C10orf67: variants seen among roughly 807,000 people sequenced by gnomAD.
The protein encoded by C10orf67 is chromosome 10 open reading frame 67.
C10orf67 carries 60 observed loss-of-function variants against 35.6 expected under a neutral mutation model. That is an observed-to-expected ratio of 1.68 (90% confidence interval 1.37 to 2.09). The LOEUF is 2.09. Ranked by LOEUF, C10orf67 falls within the 30% of genes most tolerant of loss-of-function variation. C10orf67 has a pLI of 0.00. For missense variants in C10orf67, 474 were observed against 330.2 expected (o/e 1.44, Z -3.38); for synonymous variants, 167 against 115.8 (o/e 1.44, Z -2.84).
At chr10:23,206,035 T>A (rs1564452693) in intron 15 of C10orf67, among the ~76,000 whole-genome samples, 1 of 152,224 alleles carries the variant, frequency 6.6e-6, no homozygotes, top group East Asian at 1.9e-4. Context: ...TCCCCAATCA[T>A]TTTTTATACT....
At position 23,288,300 on chromosome 10, in the gene C10orf67, T is replaced by C. The variant is rs185834158; in HGVS notation, c.909+1600A>G. 6.3e-3 allele frequency among the ~76,000 whole-genome samples: 959 copies of C among 152,248 alleles called. 4 individuals carry two copies. Among genetic ancestry groups the C allele is most frequent in the South Asian group, 9.7e-3 (47 of 4,824 alleles). Reference sequence around the variant, plus strand: ...AATACTATGCAGCCATAAAAAGGAATGAGATCATGTCCTTTGCAGGGATAT... The same window carrying C: ...AATACTATGCAGCCATAAAAAGGAACGAGATCATGTCCTTTGCAGGGATAT... On this transcript the variant is annotated intron_variant, in intron 7 of 15. Transcript: ENST00000636213.
At chr10:23,262,018 T>A (rs757332670) in intron 10 of C10orf67, among the ~76,000 whole-genome samples, 2 of 152,260 alleles carry the variant, frequency 1.3e-5, no homozygotes, top group South Asian at 2.1e-4. Flanking sequence ...AGACTAGGAT[T>A]GGAGAAACTG....
intron 5 of C10orf67, among the ~76,000 whole-genome samples, chr10:23,292,400 C>G (rs760700287): frequency 2.0e-5 from 3 of 151,956 alleles, no homozygotes; most frequent in Non-Finnish European, 2.9e-5. Flanking sequence ...TTCTACATGC[C>G]TTGTTCAAAA....
intron 10 of C10orf67, among the ~76,000 whole-genome samples, chr10:23,251,429 C>G (rs896644975): frequency 6.6e-6 from 1 of 152,198 alleles, no homozygotes; most frequent in East Asian, 1.9e-4. Context: ...GATCTACCAA[C>G]TGAATCACAG....
intron 13 of C10orf67, among the ~76,000 whole-genome samples, chr10:23,224,923 G>C (rs904092793): frequency 2.6e-5 from 4 of 152,134 alleles, no homozygotes; most frequent in South Asian, 2.1e-4. Flanking sequence ...GGGGAGAATG[G>C]AAACAAGTTG....
At chr10:23,280,556 C>T (rs79632032) in intron 8 of C10orf67, among the ~76,000 whole-genome samples, 1 of 152,142 alleles carries the variant, frequency 6.6e-6, no homozygotes, top group Non-Finnish European at 1.5e-5. Context: ...ACCTCAAGCC[C>T]ACTCCCTCTA....
chr10:23,236,958 G>C (rs1681560552), intron 13 of C10orf67, among the ~76,000 whole-genome samples: 2 of 152,116 alleles, frequency 1.3e-5, no homozygotes, highest in Admixed American at 1.3e-4. Flanking sequence ...TGTGTATCAT[G>C]GGGGTTTGCT....
At chr10:23,285,138 C>A (rs568150091) in intron 7 of C10orf67, among the ~76,000 whole-genome samples, 2 of 152,206 alleles carry the variant, frequency 1.3e-5, no homozygotes, top group South Asian at 4.1e-4. Flanking sequence ...ACACAGTACG[C>A]CTGGGAGAAA....
At chr10:23,305,584 A>G (rs1216838683) in intron 4 of C10orf67, among the ~76,000 whole-genome samples, 2 of 152,270 alleles carry the variant, frequency 1.3e-5, no homozygotes, top group Non-Finnish European at 2.9e-5. Context: ...GCCAATCATC[A>G]GGAAGATGCA....
intron 10 of C10orf67, among the ~76,000 whole-genome samples, chr10:23,254,644 C>T (rs1023023342): frequency 2.0e-5 from 3 of 151,998 alleles, no homozygotes; most frequent in African/African-American, 4.8e-5. Flanking sequence ...AATTTGCTTC[C>T]CATTTTTAAG....
rs1417186157 is a variant in C10orf67, at chr10:23,239,801, C to A, written c.1362G>T (p.Lys454Asn). 3.2e-6 allele frequency: 2 copies of A among 619,564 alleles called. No individual in the cohort carries two copies. Among genetic ancestry groups the A allele is most frequent in the South Asian group, 1.9e-5 (1 of 52,514 alleles). The allele number at this position is 619,564 out of a possible 1,614,324, so 38.4% of individuals were successfully genotyped here. A position where few individuals can be genotyped will look rare whatever the true frequency, so the allele number is the denominator to read the frequency against. The change falls in exon 13 of 16, where the codon AAG (lysine) becomes AAT (asparagine). Residue 454 changes from lysine (K) to asparagine (N), a missense_variant. By Grantham distance (94) the Lys-to-Asn change is moderately conservative. Transcript: ENST00000636213. ...FILRNSFHVL[K>N]NEMFTRHTLF... Reference sequence around the variant, plus strand: ...GTGTGTGCCTTGTAAACATCTCATTCTTAAGGACATGAAAGCTGAAATTTT... The same window carrying A: ...GTGTGTGCCTTGTAAACATCTCATTATTAAGGACATGAAAGCTGAAATTTT...
chr10:23,304,279 G>A (rs2132288449), intron 4 of C10orf67, among the ~76,000 whole-genome samples: 1 of 152,304 alleles, frequency 6.6e-6, no homozygotes, highest in South Asian at 2.1e-4. Flanking sequence ...TGCAGTCTGA[G>A]AGCAGTCTTG....
intron 8 of C10orf67, among the ~76,000 whole-genome samples, chr10:23,269,606 G>A (rs1842967155): frequency 6.6e-6 from 1 of 152,092 alleles, no homozygotes; most frequent in South Asian, 2.1e-4. Context: ...TGGCTAGGAT[G>A]TATTCAAAAA....
intron 15 of C10orf67, among the ~76,000 whole-genome samples, chr10:23,211,345 T>G (rs1469457482): frequency 1.3e-5 from 2 of 152,232 alleles, no homozygotes; most frequent in Non-Finnish European, 2.9e-5. Flanking sequence ...TATATTGAAT[T>G]GAGTCCACCT....
intron 12 of C10orf67, among the ~76,000 whole-genome samples, chr10:23,242,506 C>A (rs1564468469): frequency 6.6e-6 from 1 of 151,848 alleles, no homozygotes; most frequent in African/African-American, 2.4e-5. Flanking sequence ...AAATGAGAAG[C>A]CCAACAAACA....
intron 15 of C10orf67, among the ~76,000 whole-genome samples, chr10:23,214,797 C>A (rs1433694051): frequency 6.6e-6 from 1 of 152,086 alleles, no homozygotes; most frequent in African/African-American, 2.4e-5. Context: ...CTAAGTTGGG[C>A]AGATCACTTG....
chr10:23,219,053 CA>C (rs1314680499), intron 15 of C10orf67, among the ~76,000 whole-genome samples: 1 of 152,188 alleles, frequency 6.6e-6, no homozygotes, highest in Non-Finnish European at 1.5e-5. Context: ...TTCTATAAAT[CA>C]GTGCAAAACA....
chr10:23,262,219 G>A (rs1007670146), intron 10 of C10orf67, among the ~76,000 whole-genome samples: 3 of 152,152 alleles, frequency 2.0e-5, no homozygotes, highest in Admixed American at 1.3e-4. Context: ...CCGGGGAAAA[G>A]ACCCACGTCT....
chr10:23,280,370 G>A (rs1348618857), intron 8 of C10orf67, among the ~76,000 whole-genome samples: 1 of 152,158 alleles, frequency 6.6e-6, no homozygotes, highest in Non-Finnish European at 1.5e-5. Context: ...CAAATCCTGG[G>A]TCCTGGAAAA....
Sources: allele counts gnomAD v4.1 joint callset (sites outside exome capture counted in the v4.1 genomes callset), GRCh38; gene constraint gnomAD v4.1.1; transcripts MANE v1.5; gene names NCBI Gene and HGNC (gene_info 2026-07-23, HGNC 2026-07-21).